FHAD1: variants seen among roughly 807,000 people sequenced by gnomAD.
FHAD1 encodes the protein forkhead-associated domain-containing protein 1.
In FHAD1, 146 loss-of-function variants were observed where a neutral mutation model predicts 191.3. That is an observed-to-expected ratio of 0.76 (90% CI 0.67 to 0.88). FHAD1 has a LOEUF of 0.88. Among genes scored for constraint, FHAD1 ranks in the 40% least tolerant of loss-of-function variants. The pLI, the probability that FHAD1 is intolerant of heterozygous loss-of-function variation, is 0.00. For synonymous variants in FHAD1, 616 were observed against 672.3 expected (o/e 0.92, Z 1.29); for missense variants, 1,635 against 1,785.8 (o/e 0.92, Z 1.52).
chr1:15,348,846 A>C (rs1689831349), intron 18 of FHAD1, among the ~76,000 whole-genome samples, 196 bp from the exon 19 acceptor site: 1 of 152,064 alleles, frequency 6.6e-6, no homozygotes, highest in Admixed American at 6.5e-5. Context: ...CATCTGTAAA[A>C]TGGGCCACTC....
chr1:15,345,228 A>G (rs1255551841), intron 17 of FHAD1, 38 bp downstream of exon 17: 5 of 1,513,700 alleles, frequency 3.3e-6, no homozygotes, highest in Non-Finnish European at 4.5e-6. Flanking sequence ...CTCGAGCCCC[A>G]CTGCAGCTAG....
chr1:15,351,057 A>T (rs1480582828), intron 19 of FHAD1, among the ~76,000 whole-genome samples: 1 of 152,182 alleles, frequency 6.6e-6, no homozygotes, highest in East Asian at 1.9e-4. Context: ...ACATATAAAC[A>T]CATCTTGCTG....
rs370795526 is a variant in FHAD1, at chr1:15,345,406, G to A, written c.2239-10G>A. On this transcript the variant is annotated splice_polypyrimidine_tract_variant and intron_variant, in intron 17 of 33. Coordinates refer to ENST00000688493, the MANE Select transcript of FHAD1 (RefSeq NM_001391957.1). ...TAACCATGTCTATTGAACAATGATC[G>A]TTGACTCAGGCTTTGGCGAAAAGCA... 250 of 1,550,770 alleles carry A rather than the reference G, an allele frequency of 1.6e-4. No homozygotes were observed. The highest frequency in any genetic ancestry group is 8.8e-4 in the Admixed American group (45 of 50,978).
chr1:15,303,942 C>T (rs547437733), intron 6 of FHAD1, among the ~76,000 whole-genome samples: 7 of 152,014 alleles, frequency 4.6e-5, no homozygotes, highest in South Asian at 2.1e-4. Context: ...AAAGATGATA[C>T]TTTATAACAA....
intron 4 of FHAD1, among the ~76,000 whole-genome samples, chr1:15,295,761 A>G (rs1252732677): frequency 2.0e-5 from 3 of 152,368 alleles, no homozygotes; most frequent in Non-Finnish European, 4.4e-5. Context: ...AAATCCCAAT[A>G]TCACAGAACC....
intron 16 of FHAD1, among the ~76,000 whole-genome samples, chr1:15,344,588 T>C (rs1396816805): frequency 6.6e-6 from 1 of 152,218 alleles, no homozygotes; most frequent in Non-Finnish European, 1.5e-5. Flanking sequence ...AGACCAGATT[T>C]GGTCTGTAAG....
chr1:15,365,304 G>A (rs1024246331), intron 23 of FHAD1, among the ~76,000 whole-genome samples: 2 of 151,924 alleles, frequency 1.3e-5, no homozygotes, highest in African/African-American at 4.8e-5. Flanking sequence ...GCCAGATCCT[G>A]TGTTCTATCT....
At position 15,258,980 on chromosome 1, in the gene FHAD1, A is replaced by G. The variant is rs1649696112; in HGVS notation, c.93+7103A>G. Reference sequence around the variant, plus strand: ...TGACAGTTCTATTTTTAATTTTTTGAGGAACTGCCATACTGTTTTCCACAG... The same window carrying G: ...TGACAGTTCTATTTTTAATTTTTTGGGGAACTGCCATACTGTTTTCCACAG... On this transcript the variant is annotated intron_variant, in intron 2 of 33. Transcript: ENST00000688493. Among the ~76,000 whole-genome samples the G allele has an allele frequency of 1.3e-5, 2 of 152,076 alleles. 1 individual carries two copies. Among genetic ancestry groups the G allele is most frequent in the African/African-American group, 4.8e-5 (2 of 41,392 alleles).
intron 28 of FHAD1, among the ~76,000 whole-genome samples, chr1:15,378,210 G>A (rs1449703391): frequency 1.3e-5 from 2 of 152,196 alleles, no homozygotes; most frequent in African/African-American, 4.8e-5. Flanking sequence ...ACTTGAACCC[G>A]GGAGGCAGAG....
Position 15,381,890 on chromosome 1 carries a change from C to T in FHAD1, c.4023-138C>T. 1.1e-6 allele frequency: 1 copy of T among 915,778 alleles called. No homozygotes were observed. The highest frequency in any genetic ancestry group is 1.6e-6 in the Non-Finnish European group (1 of 606,558). 56.7% of individuals were successfully genotyped at this position (915,778 alleles called of 1,614,324 possible). Reference sequence around the variant, plus strand: ...TGCTCTCTGTACCCCAAATCTTCGTCATGCTCTCCTGCTTGTGATGACACT... The same window carrying T: ...TGCTCTCTGTACCCCAAATCTTCGTTATGCTCTCCTGCTTGTGATGACACT... On this transcript the variant is annotated intron_variant, in intron 30 of 33. Coordinates refer to ENST00000688493, the MANE Select transcript of FHAD1 (RefSeq NM_001391957.1). This position sits in a 1 kb window ranked among gnomAD's most constrained non-coding sequence, Gnocchi z 4.6.
chr1:15,393,677 A>G (rs1704979047), intron 33 of FHAD1, among the ~76,000 whole-genome samples: 1 of 149,324 alleles, frequency 6.7e-6, no homozygotes, highest in Non-Finnish European at 1.5e-5. Context: ...ATCTCAGTTC[A>G]CTGCAACCTC....
rs779330850 is a variant in FHAD1, at chr1:15,296,727, G to A, written c.612G>A (p.Glu204=). The A allele has an allele frequency of 1.9e-6, 3 of 1,551,914 alleles. No homozygotes were observed. Among genetic ancestry groups the A allele is most frequent in the Non-Finnish European group, 2.6e-6 (3 of 1,147,082 alleles). Residue 204 remains glutamate (E), a synonymous_variant, in exon 5 of 34, where the codon GAG becomes GAA. Coordinates refer to ENST00000688493, the MANE Select transcript of FHAD1 (RefSeq NM_001391957.1). The part of the protein sequence containing the change: ...AMKLSEKSVA[E]GIPGAVPPAE... ...AACTGTCAGAAAAATCAGTGGCCGA[G>A]GGGATTCCTGGGGCAGTTCCCCCTG...
chr1:15,301,676 A>T (rs1324873526), intron 6 of FHAD1, among the ~76,000 whole-genome samples: 1 of 152,218 alleles, frequency 6.6e-6, no homozygotes, highest in African/African-American at 2.4e-5. Flanking sequence ...AGCGCTTTAG[A>T]TTAACTTATT....
At chr1:15,350,278 G>A (rs921671049) in intron 19 of FHAD1, among the ~76,000 whole-genome samples, 5 of 152,230 alleles carry the variant, frequency 3.3e-5, no homozygotes, top group South Asian at 4.1e-4. Flanking sequence ...GACAGCCTGC[G>A]GAAGCAGGGG....
In FHAD1 at chr1:15,289,324, G is replaced by A; in HGVS notation, c.301-75G>A. The A allele has an allele frequency of 6.7e-7, 1 of 1,499,158 alleles. No individual in the cohort carries two copies. The highest frequency in any genetic ancestry group is 8.9e-7 in the Non-Finnish European group (1 of 1,117,782). 92.9% of individuals were successfully genotyped at this position (1,499,158 alleles called of 1,614,324 possible). ...ATAAACCAAGACCTTGGGCAGCAAT[G>A]CTGTGGCTGGGACAAAGAAATGGAG... On this transcript the variant is annotated intron_variant, in intron 3 of 33. Coordinates refer to ENST00000688493, the MANE Select transcript of FHAD1 (RefSeq NM_001391957.1). The surrounding 1 kb of genome is among the most constrained non-coding windows in gnomAD (Gnocchi z 4.2).
chr1:15,282,777 G>A (rs1014396872), intron 3 of FHAD1, among the ~76,000 whole-genome samples: 1 of 152,130 alleles, frequency 6.6e-6, no homozygotes, highest in African/African-American at 2.4e-5. Flanking sequence ...ACCTTCCTAA[G>A]AATAGACAAG....
At chr1:15,292,440 T>A (rs1665151974) in intron 4 of FHAD1, among the ~76,000 whole-genome samples, 2 of 152,172 alleles carry the variant, frequency 1.3e-5, no homozygotes, top group African/African-American at 4.8e-5. Flanking sequence ...TTCACACCAT[T>A]CTCCTGCCTC....
intron 5 of FHAD1, among the ~76,000 whole-genome samples, chr1:15,298,448 G>A (rs1211582742): frequency 6.6e-6 from 1 of 152,136 alleles, no homozygotes; most frequent in Non-Finnish European, 1.5e-5. Flanking sequence ...TAGGTGATAG[G>A]TGTACCAAAA....
intron 3 of FHAD1, among the ~76,000 whole-genome samples, chr1:15,278,384 A>G (rs142488209): frequency 6.6e-6 from 1 of 152,068 alleles, no homozygotes; most frequent in Non-Finnish European, 1.5e-5. Context: ...TGCCCCCACT[A>G]TCTGCTAGGA....
Sources: gnomAD v4.1 joint callset for allele counts (sites outside exome capture counted in the v4.1 genomes callset) on GRCh38, gnomAD v4.1.1 for gene constraint, Gnocchi (gnomAD v3.1) non-coding constraint, MANE v1.5 for transcripts, NCBI Gene and HGNC (gene_info 2026-07-23, HGNC 2026-07-21) for gene names.